The following ARHGAP18 variants were observed in gnomAD, a reference collection of about 807,000 sequenced individuals.
ARHGAP18 encodes Rho GTPase activating protein 18, also known as rho GTPase-activating protein 18.
A neutral mutation model predicts 86.2 loss-of-function variants in ARHGAP18; 67 were observed. The ratio of observed to expected loss-of-function variants is 0.78; its 90% CI spans 0.64 to 0.95. The LOEUF (loss-of-function observed/expected upper bound fraction) is 0.95. Among genes scored for constraint, ARHGAP18 ranks in the 40% least tolerant of loss-of-function variants. ARHGAP18 has a pLI of 0.00. For synonymous variants in ARHGAP18, 283 were observed against 280.4 expected (o/e 1.01, Z -0.09); for missense variants, 691 against 780.4 (o/e 0.89, Z 1.37).
chr6:129,706,602 T>C (rs1355854019), intron 1 of ARHGAP18, among the ~76,000 whole-genome samples: 2 of 152,136 alleles, frequency 1.3e-5, no homozygotes, highest in Non-Finnish European at 2.9e-5. Flanking sequence ...AAAAAGGACA[T>C]GGAGCCGGGT....
Position 129,577,764 on chromosome 6 carries a change from A to T in ARHGAP18, c.*749T>A, listed in dbSNP as rs897447120. 1 of 152,228 alleles carries T rather than the reference A, an allele frequency of 6.6e-6. No individual in the cohort carries two copies. The highest frequency in any genetic ancestry group is 1.5e-5 in the Non-Finnish European group (1 of 68,024). The allele number at this position is 152,228 out of a possible 1,614,324, so 9.4% of individuals were successfully genotyped here. The stretch of plus-strand genomic sequence containing the variant: ...TTTGGCTTTCACTCTCTTGTTATCC[A>T]TAATCCAATTATTATTTCACATGGG... On this transcript the variant is annotated 3_prime_UTR_variant, in exon 15 of 15. Coordinates refer to ENST00000368149, the MANE Select transcript of ARHGAP18 (RefSeq NM_033515.3).
chr6:129,642,737 T>C (rs1773495341), intron 1 of ARHGAP18, among the ~76,000 whole-genome samples: 3 of 152,216 alleles, frequency 2.0e-5, no homozygotes, highest in Admixed American at 2.0e-4. Flanking sequence ...TCAACTCTTA[T>C]ACAGCAAATA....
chr6:129,578,539 A>G lies in ARHGAP18; in HGVS notation c.1966T>C (p.Trp656Arg). Residue 656 changes from tryptophan (W) to arginine (R), a missense_variant, in exon 15 of 15, where the codon TGG becomes CGG. By Grantham distance (101) the Trp-to-Arg change is moderately radical. Transcript: ENST00000368149. ...TACAATGGCTTTGACTTTATAACCCACTCAGCATTTGGGTTAAGCTGATAT... is the reference window on the plus strand; with the variant it reads ...TACAATGGCTTTGACTTTATAACCCGCTCAGCATTTGGGTTAAGCTGATAT... ...DLYQLNPNAE[W>R]VIKSKPL The G allele has an allele frequency of 6.2e-7, 1 of 1,612,268 alleles. No individual in the cohort carries two copies. Among genetic ancestry groups the G allele is most frequent in the Non-Finnish European group, 8.5e-7 (1 of 1,178,926 alleles).
intron 5 of ARHGAP18, among the ~76,000 whole-genome samples, chr6:129,625,925 TTTATATA>T (rs1187613872): frequency 4.9e-4 from 50 of 102,296 alleles, no homozygotes; most frequent in African/African-American, 7.4e-4. Context: ...ATTATAGATA[TTTATATA>T]TTATATATTA....
chr6:129,658,943 A>G (rs972218508), intron 1 of ARHGAP18, among the ~76,000 whole-genome samples: 6 of 152,238 alleles, frequency 3.9e-5, no homozygotes, highest in Non-Finnish European at 8.8e-5. Flanking sequence ...TGGCCAATAG[A>G]AATAAAAGGT....
intron 1 of ARHGAP18, among the ~76,000 whole-genome samples, chr6:129,704,488 G>A (rs539082662): frequency 5.9e-5 from 9 of 152,026 alleles, no homozygotes; most frequent in African/African-American, 2.2e-4. Flanking sequence ...TTCATGTCTC[G>A]CTCAACTTAC....
chr6:129,595,358 C>A (rs1788595652), intron 12 of ARHGAP18, among the ~76,000 whole-genome samples: 1 of 152,130 alleles, frequency 6.6e-6, no homozygotes, highest in Admixed American at 6.6e-5. Flanking sequence ...ATTTAACTAG[C>A]CACCTCTGTT....
chr6:129,634,077 A>T lies in ARHGAP18; in HGVS notation c.581T>A (p.Leu194His). Residue 194 changes from leucine to histidine, a missense_variant, in exon 4 of 15, where the codon CTT becomes CAT. Coordinates refer to ENST00000368149, the MANE Select transcript of ARHGAP18 (RefSeq NM_033515.3). ...TTGGTATTTGTTTTCATTTGTTCTAAGTGACTGCGATTCAGTGCCACCTGG... is the reference window on the plus strand; with the variant it reads ...TTGGTATTTGTTTTCATTTGTTCTATGTGACTGCGATTCAGTGCCACCTGG... Reference protein sequence around the residue: ...TAPGGTESQSLRTNENKYQGR... With the variant: ...TAPGGTESQSHRTNENKYQGR... The T allele has an allele frequency of 1.2e-6, 2 of 1,613,922 alleles. No individual in the cohort carries two copies. Among genetic ancestry groups the T allele is most frequent in the Non-Finnish European group, 1.7e-6 (2 of 1,179,924 alleles).
chr6:129,638,611 T>G lies in ARHGAP18; in HGVS notation c.335A>C (p.Glu112Ala). 1 of 1,613,976 alleles carries G rather than the reference T, an allele frequency of 6.2e-7. No homozygotes were observed. Among genetic ancestry groups the G allele is most frequent in the Non-Finnish European group, 8.5e-7 (1 of 1,179,976 alleles). ...KEPDEGELEE[E>A]WLKEAGLSNL... ...GGATAAACCGGCCTCTTTAAGCCACTCTTCTTCCAATTCTCCCTCTAAGAC... is the reference window on the plus strand; with the variant it reads ...GGATAAACCGGCCTCTTTAAGCCACGCTTCTTCCAATTCTCCCTCTAAGAC... Residue 112 changes from glutamate (E) to alanine (A), a missense_variant, in exon 3 of 15, where the codon GAG (glutamate) becomes GCG (alanine). Physicochemically the swap from Glu to Ala is moderately radical, Grantham distance 107. Coordinates refer to ENST00000368149, the MANE Select transcript of ARHGAP18 (RefSeq NM_033515.3).
intron 1 of ARHGAP18, among the ~76,000 whole-genome samples, chr6:129,674,677 G>A (rs1309829493): frequency 6.6e-6 from 1 of 152,206 alleles, no homozygotes; most frequent in Non-Finnish European, 1.5e-5. Flanking sequence ...AGGAGGATGT[G>A]CATATGTTAT....
Position 129,639,842 on chromosome 6 carries a change from C to T in ARHGAP18, c.317-1213G>A, listed in dbSNP as rs186625695. On this transcript the variant is annotated intron_variant, in intron 2 of 14. Coordinates refer to ENST00000368149, the MANE Select transcript of ARHGAP18 (RefSeq NM_033515.3). Reference sequence around the variant, plus strand: ...GGTGGATCACTTGAGGTCAGGAGTTCGAGACCAGCCTGGCCAACATGGTGA... The same window carrying T: ...GGTGGATCACTTGAGGTCAGGAGTTTGAGACCAGCCTGGCCAACATGGTGA... 1.6e-3 allele frequency among the ~76,000 whole-genome samples: 249 copies of T among 151,828 alleles called. 2 individuals are homozygous for T. Among genetic ancestry groups the T allele is most frequent in the African/African-American group, 5.7e-3 (236 of 41,402 alleles).
chr6:129,703,895 A>C (rs1774759418), intron 1 of ARHGAP18, among the ~76,000 whole-genome samples: 1 of 152,260 alleles, frequency 6.6e-6, no homozygotes, highest in African/African-American at 2.4e-5. Flanking sequence ...TTTAGAAGCT[A>C]AGGTTAGAAA....
intron 7 of ARHGAP18, among the ~76,000 whole-genome samples, chr6:129,614,579 A>G (rs979959073): frequency 2.6e-5 from 4 of 152,142 alleles, no homozygotes; most frequent in African/African-American, 9.7e-5. Context: ...GATTTTTCTT[A>G]ATAGACTGGA....
chr6:129,700,213 A>C (rs978728843), intron 1 of ARHGAP18, among the ~76,000 whole-genome samples: 1 of 152,256 alleles, frequency 6.6e-6, no homozygotes, highest in African/African-American at 2.4e-5. Context: ...ACTTAGCTAT[A>C]ATGATACATT....
At chr6:129,629,171 C>G (rs1773125457) in intron 5 of ARHGAP18, among the ~76,000 whole-genome samples, 182 bp downstream of exon 5, 1 of 151,804 alleles carries the variant, frequency 6.6e-6, no homozygotes, top group Non-Finnish European at 1.5e-5. Context: ...ATTGCTGGAG[C>G]CCAGGAGTTT....
chr6:129,616,973 A>G (rs933207108), intron 6 of ARHGAP18, among the ~76,000 whole-genome samples: 1 of 152,160 alleles, frequency 6.6e-6, no homozygotes, highest in African/African-American at 2.4e-5. Flanking sequence ...AAAAAAGCAA[A>G]TATCATTCAT....
chr6:129,587,125 T>C (rs549771939), intron 12 of ARHGAP18, among the ~76,000 whole-genome samples: 15 of 152,282 alleles, frequency 9.9e-5, no homozygotes, highest in South Asian at 8.3e-4. Flanking sequence ...AATGATAACA[T>C]AAACAAAGTA....
chr6:129,618,716 T>G lies in ARHGAP18; in HGVS notation c.923A>C (p.Gln308Pro), dbSNP rs1789146527. Residue 308 changes from glutamine to proline, a missense_variant, in exon 6 of 15, where the codon CAA becomes CCA. Transcript: ENST00000368149. ...TGTTTTGATTTTCACAGCTTTTTGT[T>G]GTTTCAGCTCAATACCCAATACATC... ...LYDVLGIELK[Q>P]QKAVKIKTKD... is the part of the protein sequence containing the mutation. 4 of 1,606,664 alleles carry G rather than the reference T, an allele frequency of 2.5e-6. No individual in the cohort carries two copies. Among genetic ancestry groups the G allele is most frequent in the Non-Finnish European group, 3.4e-6 (4 of 1,176,956 alleles).
chr6:129,636,918 C>CT lies in ARHGAP18; in HGVS notation c.552+1475dup, dbSNP rs529778799. On this transcript the variant is annotated intron_variant, in intron 3 of 14. Transcript: ENST00000368149. ...TTTTACCTTTTTTCTGGCAGCAAGA[C>CT]TTTTTTGATGAAAGAAACAAGGATC... Among the ~76,000 whole-genome samples, 21 of 152,242 alleles carry CT rather than the reference C, an allele frequency of 1.4e-4. No individual in the cohort carries two copies. The South Asian group carries it at 4.4e-3, about 32-fold the overall frequency.
Sources: gnomAD v4.1 joint callset for allele counts (sites outside exome capture counted in the v4.1 genomes callset) on GRCh38, gnomAD v4.1.1 for gene constraint, MANE v1.5 for transcripts, NCBI Gene and HGNC (gene_info 2026-07-23, HGNC 2026-07-21) for gene names.